The following TECTA variants were observed in gnomAD, a reference collection of about 807,000 sequenced individuals.
TECTA encodes tectorin alpha.
Under a neutral mutation model 216.8 loss-of-function variants are expected in TECTA, and 128 were observed. The ratio of observed to expected loss-of-function variants is 0.59; its 90% CI spans 0.51 to 0.68. The LOEUF (loss-of-function observed/expected upper bound fraction) is 0.68, where lower values mean the gene tolerates loss of function less well. Among genes scored for constraint, TECTA ranks in the 30% least tolerant of loss-of-function variants. The probability of loss-of-function intolerance (pLI) is 0.00; values close to 1 mark genes in which losing one functional copy is unlikely to be tolerated. For synonymous variants in TECTA, 1,089 were observed against 1,117.1 expected (o/e 0.97, Z 0.50); for missense variants, 2,551 against 2,786.2 (o/e 0.92, Z 1.90).
chr11:121,146,771 T>C (rs1035370537), intron 12 of TECTA, among the ~76,000 whole-genome samples: 4 of 152,212 alleles, frequency 2.6e-5, no homozygotes, highest in African/African-American at 9.7e-5. Context: ...AATTAGGTAA[T>C]TGAAAGCCAG....
chr11:121,179,451 A>C (rs1439019757), intron 20 of TECTA, among the ~76,000 whole-genome samples: 2 of 152,154 alleles, frequency 1.3e-5, no homozygotes, highest in Non-Finnish European at 2.9e-5. Context: ...TTTTGGCCTA[A>C]CATACGGTCT....
intron 20 of TECTA, among the ~76,000 whole-genome samples, chr11:121,185,329 A>T (rs1411354131): frequency 7.1e-6 from 1 of 141,006 alleles, no homozygotes; most frequent in African/African-American, 2.6e-5. Context: ...TTAATGAGTG[A>T]GTAGGGAAAG....
At chr11:121,128,474 G>A (rs924081234) in intron 9 of TECTA, 130 bp downstream of exon 9, 3 of 821,748 alleles carry the variant, frequency 3.7e-6, no homozygotes, top group African/African-American at 3.5e-5. Flanking sequence ...GGCTCCAAAC[G>A]GGAGCGTTTT....
intron 7 of TECTA, among the ~76,000 whole-genome samples, chr11:121,122,735 C>T (rs1026838485): frequency 6.7e-6 from 1 of 149,428 alleles, no homozygotes; most frequent in Non-Finnish European, 1.5e-5. Flanking sequence ...CACCTGTAGT[C>T]CCAGCTACTC....
rs749254487 is a variant in TECTA, at chr11:121,127,942, C to T, written c.1965C>T (p.Asp655=). ...TGCACAAGTGCGGCTGCGACTTCGA[C>T]GGCCACTACTACACCATGGGGGAGT... is the stretch of plus-strand genomic sequence containing the variant. ...VPLHKCGCDF[D]GHYYTMGEFF... Residue 655 remains aspartate (D), a synonymous_variant, in exon 9 of 24, where the codon GAC becomes GAT. Transcript: ENST00000392793. This position sits in a 1 kb window ranked among gnomAD's most constrained non-coding sequence, Gnocchi z 5.0. 8 of 1,614,056 alleles carry T rather than the reference C, an allele frequency of 5.0e-6. No individual in the cohort carries two copies. Among genetic ancestry groups the T allele is most frequent in the African/African-American group, 2.7e-5 (2 of 74,944 alleles).
rs372403039 is a variant in TECTA, at chr11:121,168,033, T to C, written c.5587-21T>C. 5.6e-5 allele frequency: 91 copies of C among 1,614,022 alleles called. No individual in the cohort carries two copies. The Admixed American group carries it at 1.4e-3, about 26-fold the overall frequency. On this transcript the variant is annotated intron_variant, in intron 18 of 23. Transcript: ENST00000392793. ...ACTCACTCCCAGATGTAACGATTTC[T>C]GACTTCCCCTTGTTCTGCAGTCCAA...
At chr11:121,110,505 A>G (rs1396728704) in intron 4 of TECTA, 1 of 152,254 alleles carries the variant, frequency 6.6e-6, no homozygotes, top group Non-Finnish European at 1.5e-5. Context: ...AGCATCAAGA[A>G]GCACTTTATC....
intron 4 of TECTA, among the ~76,000 whole-genome samples, chr11:121,112,463 C>T (rs1264433887): frequency 6.6e-6 from 1 of 152,172 alleles, no homozygotes; most frequent in Non-Finnish European, 1.5e-5. Flanking sequence ...TGAATGTTAA[C>T]GATTTTCAGA....
At chr11:121,132,200 T>C (rs958831475) in intron 10 of TECTA, among the ~76,000 whole-genome samples, 1 of 152,194 alleles carries the variant, frequency 6.6e-6, no homozygotes, top group South Asian at 2.1e-4. Context: ...TGTAAAGAGA[T>C]GTCCTTTTCA....
chr11:121,158,232 GC>G lies in TECTA; in HGVS notation c.4689+10del. 6.2e-7 allele frequency: 1 copy of G among 1,610,622 alleles called. No homozygotes were observed. The highest frequency in any genetic ancestry group is 1.3e-5 in the African/African-American group (1 of 75,076). The stretch of plus-strand genomic sequence containing the variant: ...GACCGGAACACGGTCAAGGTAACCA[GC>G]CTGGCGGCCATTCTTAAGAAGGGGC... On this transcript the variant is annotated intron_variant, in intron 14 of 23. Transcript: ENST00000392793.
chr11:121,178,835 G>A (rs998072269), intron 20 of TECTA, among the ~76,000 whole-genome samples: 2 of 152,088 alleles, frequency 1.3e-5, no homozygotes, highest in African/African-American at 4.8e-5. Flanking sequence ...TAGGTTGTAT[G>A]TGTCCAAGAA....
In TECTA at chr11:121,129,988, T is replaced by A; in HGVS notation, c.2718T>A (p.Tyr906Ter). ...ATGACTCGGAGCTGCTCAAGTTTTA[T>A]CGAAGCCGCTCCAGGTGCGGCATCA... ...CNNDSELLKF[Y>*]RSRSRCGIIN... The change falls in exon 10 of 24, where the codon TAT becomes TAA. Residue 906 changes from tyrosine to a stop codon, truncating the protein, a stop_gained. Coordinates refer to ENST00000392793, the MANE Select transcript of TECTA (RefSeq NM_005422.4). LOFTEE classifies it high-confidence loss of function. The A allele has an allele frequency of 6.2e-7, 1 of 1,605,412 alleles. No individual in the cohort carries two copies. Among genetic ancestry groups the A allele is most frequent in the Non-Finnish European group, 8.5e-7 (1 of 1,174,490 alleles).
At chr11:121,149,113 T>C (rs1267731208) in intron 12 of TECTA, among the ~76,000 whole-genome samples, 1 of 152,252 alleles carries the variant, frequency 6.6e-6, no homozygotes, top group Non-Finnish European at 1.5e-5. Context: ...GTACTACTCA[T>C]AGTCCCATTT....
At chr11:121,103,919 G>A (rs561350004) in intron 2 of TECTA, among the ~76,000 whole-genome samples, 160 of 152,182 alleles carry the variant, frequency 1.1e-3, no homozygotes, top group African/African-American at 3.6e-3. Context: ...GATCACCCAC[G>A]AAGAGAAGAA....
chr11:121,102,824 G>T (rs1946358812), intron 2 of TECTA, 95 bp downstream of exon 2: 1 of 1,031,872 alleles, frequency 9.7e-7, no homozygotes, highest in Non-Finnish European at 1.5e-6. Flanking sequence ...AAGGGCAGGT[G>T]CATGTGTGTC....
chr11:121,182,187 G>T lies in TECTA; in HGVS notation c.6000-5645G>T, dbSNP rs117539672. On this transcript the variant is annotated intron_variant, in intron 20 of 23. Transcript: ENST00000392793. Reference sequence around the variant, plus strand: ...AACAAGCACTCATGGTAGAAGGTCTGGGTGGGCCAATCCTTGGTCAGTGGT... The same window carrying T: ...AACAAGCACTCATGGTAGAAGGTCTTGGTGGGCCAATCCTTGGTCAGTGGT... Among the ~76,000 whole-genome samples, 1,491 of 152,296 alleles carry T rather than the reference G, an allele frequency of 9.8e-3. 10 individuals carry two copies. The highest frequency in any genetic ancestry group is 0.02 in the Middle Eastern group (6 of 294).
chr11:121,169,278 T>A (rs1947087856), intron 20 of TECTA, among the ~76,000 whole-genome samples: 2 of 152,168 alleles, frequency 1.3e-5, no homozygotes. Flanking sequence ...AAGAATGTAA[T>A]GACAATAACC....
chr11:121,188,183 A>G (rs1365261511), intron 21 of TECTA, among the ~76,000 whole-genome samples, 189 bp downstream of exon 21: 2 of 152,212 alleles, frequency 1.3e-5, no homozygotes, highest in African/African-American at 4.8e-5. Context: ...CTATCTCTGA[A>G]TTGTCAACCA....
intron 14 of TECTA, among the ~76,000 whole-genome samples, chr11:121,159,691 C>T (rs1471106639): frequency 6.6e-6 from 1 of 152,238 alleles, no homozygotes; most frequent in Non-Finnish European, 1.5e-5. Context: ...GTTAGACTCT[C>T]CTTGGCACAG....
Sources: allele counts gnomAD v4.1 joint callset (sites outside exome capture counted in the v4.1 genomes callset), GRCh38; gene constraint gnomAD v4.1.1; non-coding constraint Gnocchi (gnomAD v3.1); transcripts MANE v1.5; gene names NCBI Gene and HGNC (gene_info 2026-07-23, HGNC 2026-07-21).